Variants in GCLC observed in about 807,000 individuals in gnomAD.
GCLC encodes the protein glutamate-cysteine ligase catalytic subunit.
Under a neutral mutation model 81.5 loss-of-function variants are expected in GCLC, and 30 were observed. The ratio of observed to expected loss-of-function variants is 0.37; its 90% confidence interval spans 0.28 to 0.50. The LOEUF (loss-of-function observed/expected upper bound fraction) is 0.50, where lower values mean the gene tolerates loss of function less well. GCLC is among the 20% of genes least tolerant of loss of function. GCLC has a pLI of 0.96. For missense variants in GCLC, 556 were observed against 777.4 expected, an observed-to-expected ratio of 0.72 and a Z score of 3.39; for synonymous variants, 262 against 273.3, an observed-to-expected ratio of 0.96 and a Z score of 0.41.
At chr6:53,515,029 T>C (rs1246819714) in intron 4 of GCLC, among the ~76,000 whole-genome samples, 2 of 152,164 alleles carry the variant, frequency 1.3e-5, no homozygotes, top group Non-Finnish European at 2.9e-5. Context: ...AATGAAAACA[T>C]GCACATGCTG....
intron 1 of GCLC, among the ~76,000 whole-genome samples, chr6:53,534,712 T>G (rs1220848094): frequency 1.3e-5 from 2 of 151,862 alleles, no homozygotes; most frequent in Non-Finnish European, 2.9e-5. Flanking sequence ...GGGAAACCAT[T>G]TACAATAGAA....
intron 1 of GCLC, among the ~76,000 whole-genome samples, chr6:53,541,577 C>G (rs1047973122): frequency 6.6e-6 from 1 of 152,024 alleles, no homozygotes; most frequent in Non-Finnish European, 1.5e-5. Context: ...TTTGTTTACT[C>G]CCCACTCCAA....
chr6:53,516,721 T>C (rs969927941), intron 3 of GCLC, among the ~76,000 whole-genome samples: 5 of 152,188 alleles, frequency 3.3e-5, no homozygotes, highest in African/African-American at 1.2e-4. Flanking sequence ...TTTGCCTCTA[T>C]AGGTCACCTC....
chr6:53,502,615 A>T (rs1764534526), intron 12 of GCLC, among the ~76,000 whole-genome samples: 1 of 152,192 alleles, frequency 6.6e-6, no homozygotes, highest in Admixed American at 6.5e-5. Context: ...TTTGCCTGAT[A>T]TTGCTTTGCC....
intron 6 of GCLC, among the ~76,000 whole-genome samples, chr6:53,511,205 G>GGC (rs1372275179): frequency 6.8e-6 from 1 of 147,404 alleles, no homozygotes; most frequent in Non-Finnish European, 1.5e-5. Context: ...AAAAAGTGGG[G>GGC]GGGGGGTGCT....
chr6:53,501,907 A>G (rs1764521155), intron 12 of GCLC, among the ~76,000 whole-genome samples: 1 of 152,202 alleles, frequency 6.6e-6, no homozygotes, highest in African/African-American at 2.4e-5. Context: ...TAGATTTAAA[A>G]TCTTTTTGTT....
At chr6:53,529,796 G>C (rs554425926) in intron 1 of GCLC, among the ~76,000 whole-genome samples, 7 of 152,390 alleles carry the variant, frequency 4.6e-5, no homozygotes, top group Admixed American at 2.0e-4. Context: ...GCAGTAGCCA[G>C]AGCTGGGGCA....
intron 3 of GCLC, among the ~76,000 whole-genome samples, chr6:53,519,757 G>C (rs1762954435): frequency 6.6e-6 from 1 of 152,252 alleles, no homozygotes; most frequent in Admixed American, 6.5e-5. Flanking sequence ...GGGGTGGAGA[G>C]AGAAGTGACC....
intron 12 of GCLC, among the ~76,000 whole-genome samples, chr6:53,504,275 T>A (rs1475653464): frequency 2.6e-5 from 4 of 152,090 alleles, no homozygotes; most frequent in African/African-American, 9.7e-5. Flanking sequence ...GCACTAGAAT[T>A]CCTGGATTCA....
chr6:53,513,766 G>A (rs970623203), intron 6 of GCLC: 3 of 187,296 alleles, frequency 1.6e-5, no homozygotes, highest in South Asian at 1.0e-4. Context: ...TTTTTGTACC[G>A]CTAGACAGCT....
Position 53,544,750 on chromosome 6 carries a change from C to T in GCLC, c.-105G>A. The T allele has an allele frequency of 8.6e-7, 1 of 1,166,494 alleles. No homozygotes were observed. Among genetic ancestry groups the T allele is most frequent in the Non-Finnish European group, 1.2e-6 (1 of 854,148 alleles). 72.3% of individuals were successfully genotyped at this position (1,166,494 alleles called of 1,614,324 possible). On this transcript the variant is annotated 5_prime_UTR_variant, in exon 1 of 16. It adds an upstream start codon to the 5' untranslated region. Coordinates refer to ENST00000650454, the MANE Select transcript of GCLC (RefSeq NM_001498.4). ...CCCGCAGAAGGCGGCTGCCGCTCCA[C>T]CCCGCGGGGGCGCTCTCGGGCCGCA...
chr6:53,519,493 A>T (rs1281828746), intron 3 of GCLC, among the ~76,000 whole-genome samples: 1 of 144,174 alleles, frequency 6.9e-6, no homozygotes, highest in Non-Finnish European at 1.5e-5. Flanking sequence ...TCCTGCTAGC[A>T]CAGCCCCACT....
At chr6:53,535,405 T>C (rs920313842) in intron 1 of GCLC, among the ~76,000 whole-genome samples, 1 of 152,152 alleles carries the variant, frequency 6.6e-6, no homozygotes, top group Non-Finnish European at 1.5e-5. Flanking sequence ...TCCCAGCTAC[T>C]TGGGAGGCTG....
chr6:53,541,980 A>G (rs777048155), intron 1 of GCLC, among the ~76,000 whole-genome samples: 2 of 152,040 alleles, frequency 1.3e-5, no homozygotes, highest in Non-Finnish European at 2.9e-5. Context: ...CGATCCTTCT[A>G]TCTCAGCCTC....
chr6:53,520,704 C>T lies in GCLC; in HGVS notation c.446+74G>A, dbSNP rs758220698. ...TATGAGGATTGTAAGGTGGAATGCC[C>T]GGGTCGTGACTTGCTCTTTTCATTA... On this transcript the variant is annotated intron_variant, in intron 3 of 15. Coordinates refer to ENST00000650454, the MANE Select transcript of GCLC (RefSeq NM_001498.4). 537 of 1,221,214 alleles carry T rather than the reference C, an allele frequency of 4.4e-4. 1 individual carries two copies. Among genetic ancestry groups the T allele is most frequent in the Non-Finnish European group, 9.8e-5 (81 of 822,916 alleles). 75.6% of individuals were successfully genotyped at this position (1,221,214 alleles called of 1,614,324 possible).
chr6:53,538,136 C>CTTTT (rs10588842), intron 1 of GCLC, among the ~76,000 whole-genome samples: 27 of 78,908 alleles, frequency 3.4e-4, no homozygotes, highest in East Asian at 1.3e-3. Context: ...TTTTTCTTTC[C>CTTTT]TTTTTTTTTT....
rs1319785324 is a variant in GCLC at position 53,516,146 on chromosome 6, A to C, written c.523T>G (p.Phe175Val). 6.2e-7 allele frequency: 1 copy of C among 1,613,626 alleles called. No homozygotes were observed. The highest frequency in any genetic ancestry group is 1.7e-5 in the Admixed American group (1 of 60,026). The part of the protein sequence containing the change: ...VEGGASKSLF[F>V]PDEAINKHPR... ...TGCTTGTTTATTGCTTCATCTGGAA[A>C]GAAGAGGGACTTGGAAGCTCCTCCT... The change falls in exon 4 of 16, where the codon TTT becomes GTT. Residue 175 changes from phenylalanine (F) to valine (V), a missense_variant. Physicochemically the swap from Phe to Val is conservative, Grantham distance 50 (BLOSUM62 -1). This residue lies in a region of GCLC where 234 missense variants were observed against 303.8 expected (regional missense o/e 0.77). Coordinates refer to ENST00000650454, the MANE Select transcript of GCLC (RefSeq NM_001498.4).
At chr6:53,538,973 C>G (rs754792969) in intron 1 of GCLC, among the ~76,000 whole-genome samples, 9 of 152,064 alleles carry the variant, frequency 5.9e-5, no homozygotes, top group Non-Finnish European at 1.3e-4. Flanking sequence ...AGGACTGGAC[C>G]TGGAGTCAGA....
chr6:53,507,371 CTT>C, intron 9 of GCLC, 107 bp downstream of exon 9: 1 of 1,032,704 alleles, frequency 9.7e-7, no homozygotes, highest in Non-Finnish European at 1.5e-6. Context: ...AAGTTAAAGA[CTT>C]TGCACTAAAA....
Sources: gnomAD v4.1 joint callset for allele counts (sites outside exome capture counted in the v4.1 genomes callset) on GRCh38, gnomAD v4.1.1 for gene constraint, gnomAD v4.1.1 regional missense constraint, MANE v1.5 for transcripts, NCBI Gene and HGNC (gene_info 2026-07-23, HGNC 2026-07-21) for gene names.